FAM168A: variants seen among roughly 807,000 people sequenced by gnomAD.
The protein encoded by FAM168A is family with sequence similarity 168 member A, also known as protein FAM168A.
In FAM168A, 3 loss-of-function variants were observed where a neutral mutation model predicts 28.5. The observed-to-expected ratio is 0.11, with a 90% CI of 0.05 to 0.27. The LOEUF (loss-of-function observed/expected upper bound fraction) is 0.27, where lower values mean the gene tolerates loss of function less well. Among genes scored for constraint, FAM168A ranks in the 10% least tolerant of loss-of-function variants. The probability of loss-of-function intolerance (pLI) is 1.00; values close to 1 mark genes in which losing one functional copy is unlikely to be tolerated. For missense variants in FAM168A, 222 were observed against 311.5 expected (o/e 0.71, Z 2.16); for synonymous variants, 122 against 124.2 (o/e 0.98, Z 0.12).
chr11:73,407,779 G>A, intron 6 of FAM168A, 136 bp from the exon 7 acceptor site: 1 of 696,386 alleles, frequency 1.4e-6, no homozygotes, highest in Non-Finnish European at 2.4e-6. Context: ...CTGATGACCT[G>A]TTTTCTGCCC....
intron 1 of FAM168A, among the ~76,000 whole-genome samples, chr11:73,482,001 G>A (rs11235774): frequency 0.03 from 4,516 of 152,142 alleles, 223 homozygotes; most frequent in African/African-American, 0.1. Context: ...GGAGGACACA[G>A]CATTCAAGGT....
intron 1 of FAM168A, among the ~76,000 whole-genome samples, chr11:73,527,920 A>G (rs533432324): frequency 6.6e-6 from 1 of 152,310 alleles, no homozygotes; most frequent in East Asian, 1.9e-4. Flanking sequence ...CAGGAAAACC[A>G]AAGAGGAAGG....
At chr11:73,453,452 C>T (rs906315535) in intron 2 of FAM168A, among the ~76,000 whole-genome samples, 2 of 146,918 alleles carry the variant, frequency 1.4e-5, no homozygotes, top group Non-Finnish European at 2.9e-5. Context: ...AGTAAAGTTA[C>T]TAATCTCAAC....
At chr11:73,425,066 T>TA in intron 3 of FAM168A, 4 of 1,522,604 alleles carry the variant, frequency 2.6e-6, no homozygotes, top group Non-Finnish European at 3.5e-6. Flanking sequence ...ATAGAAATGT[T>TA]AGTTGAAATT....
intron 2 of FAM168A, among the ~76,000 whole-genome samples, chr11:73,458,115 T>A (rs1867574201): frequency 6.6e-6 from 1 of 152,204 alleles, no homozygotes; most frequent in African/African-American, 2.4e-5. Flanking sequence ...CCTGCTCTGT[T>A]GTGGGCACAA....
At chr11:73,593,522 C>G (rs1944406910) in intron 1 of FAM168A, among the ~76,000 whole-genome samples, 1 of 152,122 alleles carries the variant, frequency 6.6e-6, no homozygotes, top group South Asian at 2.1e-4. Flanking sequence ...CTGTTTAGGA[C>G]TTTGGCATTT....
At position 73,584,635 on chromosome 11, in the gene FAM168A, G is replaced by A. The variant is rs573735903; in HGVS notation, c.-19+13288C>T. ...ACTACAGGCGCCCGCCACCATGCCC[G>A]GCTAATTTTGTTTTTGTATTTTTAG... On this transcript the variant is annotated intron_variant, in intron 1 of 7. Transcript: ENST00000356467. 5.3e-5 allele frequency among the ~76,000 whole-genome samples: 8 copies of A among 151,792 alleles called. No homozygotes were observed. The East Asian group carries it at 5.8e-4, about 11-fold the overall frequency.
chr11:73,584,527 G>A (rs1944285949), intron 1 of FAM168A, among the ~76,000 whole-genome samples: 1 of 146,960 alleles, frequency 6.8e-6, no homozygotes, highest in Admixed American at 6.9e-5. Context: ...AGGCTGGAGT[G>A]CAGTGGCGCA....
chr11:73,512,740 A>C (rs1855249472), intron 1 of FAM168A, among the ~76,000 whole-genome samples: 1 of 152,174 alleles, frequency 6.6e-6, no homozygotes, highest in Non-Finnish European at 1.5e-5. Context: ...AAAATCTAGT[A>C]CTATCTAGTT....
At chr11:73,544,738 A>G (rs1943705340) in intron 1 of FAM168A, among the ~76,000 whole-genome samples, 1 of 123,694 alleles carries the variant, frequency 8.1e-6, no homozygotes, top group South Asian at 2.2e-4. Flanking sequence ...GTAATTATAT[A>G]TAATTATATA....
chr11:73,565,554 A>T (rs1433094952), intron 1 of FAM168A, among the ~76,000 whole-genome samples: 1 of 148,390 alleles, frequency 6.7e-6, no homozygotes, highest in African/African-American at 2.6e-5. Context: ...GAAACATTAT[A>T]ATACCTTTCT....
At chr11:73,491,425 CT>C (rs1183027567) in intron 1 of FAM168A, among the ~76,000 whole-genome samples, 1 of 152,218 alleles carries the variant, frequency 6.6e-6, no homozygotes. Flanking sequence ...TCTCCTTTCA[CT>C]TCTGAAACTT....
intron 1 of FAM168A, among the ~76,000 whole-genome samples, chr11:73,546,537 A>C (rs1943755608): frequency 6.6e-6 from 1 of 152,246 alleles, no homozygotes; most frequent in South Asian, 2.1e-4. Context: ...GTTCAAGACC[A>C]GCCTGACCAA....
intron 1 of FAM168A, among the ~76,000 whole-genome samples, chr11:73,498,439 G>A (rs992509919): frequency 5.9e-5 from 9 of 152,166 alleles, no homozygotes; most frequent in African/African-American, 2.2e-4. Context: ...GCAAACCCAT[G>A]CCACTGGGAC....
chr11:73,455,508 T>C (rs1302484494), intron 2 of FAM168A, among the ~76,000 whole-genome samples: 3 of 152,244 alleles, frequency 2.0e-5, no homozygotes, highest in African/African-American at 7.2e-5. Flanking sequence ...GCTTTTGGAA[T>C]ACAGTGGCAC....
chr11:73,578,280 G>C (rs1334088971), intron 1 of FAM168A, among the ~76,000 whole-genome samples: 3 of 152,092 alleles, frequency 2.0e-5, no homozygotes, highest in East Asian at 1.9e-4. Context: ...TGCTTAAATG[G>C]GGGGGATATG....
intron 2 of FAM168A, among the ~76,000 whole-genome samples, chr11:73,464,328 T>TG (rs1271583291): frequency 9.4e-6 from 1 of 106,502 alleles, no homozygotes; most frequent in East Asian, 2.8e-4. Flanking sequence ...AATCTGGGGG[T>TG]GGGGGGGAAA....
chr11:73,446,348 C>CT (rs1464948821), intron 2 of FAM168A, among the ~76,000 whole-genome samples: 2 of 152,234 alleles, frequency 1.3e-5, no homozygotes, highest in Non-Finnish European at 2.9e-5. Context: ...TACTTAACTA[C>CT]TTTGCACCTC....
At chr11:73,411,743 G>A (rs1398994406) in intron 4 of FAM168A, among the ~76,000 whole-genome samples, 1 of 152,100 alleles carries the variant, frequency 6.6e-6, no homozygotes, top group Non-Finnish European at 1.5e-5. Context: ...GGGCTGCATG[G>A]ATGATTCTGG....
Sources: gnomAD v4.1 joint callset for allele counts (sites outside exome capture counted in the v4.1 genomes callset) on GRCh38, gnomAD v4.1.1 for gene constraint, MANE v1.5 for transcripts, NCBI Gene and HGNC (gene_info 2026-07-23, HGNC 2026-07-21) for gene names.